Variants in DGKZ observed in about 807,000 individuals in gnomAD.
DGKZ encodes diacylglycerol kinase zeta.
A neutral mutation model predicts 142.5 loss-of-function variants in DGKZ; 45 were observed. The ratio of observed to expected loss-of-function variants is 0.32; its 90% CI spans 0.25 to 0.40. The LOEUF (loss-of-function observed/expected upper bound fraction) is 0.40, where lower values mean the gene tolerates loss of function less well. Ranked by LOEUF, DGKZ falls within the 10% of genes least tolerant of loss-of-function variation. DGKZ has a pLI of 1.00. For missense variants in DGKZ, 755 were observed against 1,306.5 expected, an observed-to-expected ratio of 0.58 and a Z score of 6.51; for synonymous variants, 442 against 527.0, an observed-to-expected ratio of 0.84 and a Z score of 2.21.
intron 1 of DGKZ, among the ~76,000 whole-genome samples, chr11:46,334,343 G>A (rs1939907424): frequency 6.6e-6 from 1 of 152,192 alleles, no homozygotes; most frequent in South Asian, 2.1e-4. Context: ...ACCTCCCCTG[G>A]AGAGTCTAGC....
chr11:46,336,549 G>A (rs1355029655), intron 1 of DGKZ, among the ~76,000 whole-genome samples: 1 of 152,132 alleles, frequency 6.6e-6, no homozygotes, highest in East Asian at 1.9e-4. Context: ...GTGACACAGT[G>A]AGACCCTGTC....
At chr11:46,368,173 G>A (rs1565052536) in intron 4 of DGKZ, 94 bp downstream of exon 4, 13 of 1,345,354 alleles carry the variant, frequency 9.7e-6, no homozygotes, top group Non-Finnish European at 1.2e-5. Flanking sequence ...CAAACGGCCT[G>A]CCAGGAGTGA....
chr11:46,375,360 GA>G, intron 19 of DGKZ, 71 bp from the exon 20 acceptor site: 1 of 1,464,918 alleles, frequency 6.8e-7, no homozygotes, highest in Non-Finnish European at 9.2e-7. Context: ...TTCTGCTTCG[GA>G]AGGAGCAGAG....
At chr11:46,376,256 C>T (rs1024891222) in intron 22 of DGKZ, 72 bp from the exon 23 acceptor site, 10 of 1,607,198 alleles carry the variant, frequency 6.2e-6, no homozygotes, top group Non-Finnish European at 8.5e-6. Flanking sequence ...TGTGCTGGTT[C>T]CCCCTACTCC....
chr11:46,371,841 GA>G, intron 9 of DGKZ, 66 bp downstream of exon 9: 1 of 1,546,500 alleles, frequency 6.5e-7, no homozygotes. Context: ...TCAGGGTACA[GA>G]ACTTCCACCC....
Position 46,367,526 on chromosome 11 carries a change from G to A in DGKZ, c.271-126G>A, listed in dbSNP as rs1943449956. 3.8e-6 allele frequency: 5 copies of A among 1,300,848 alleles called. No homozygotes were observed. The highest frequency in any genetic ancestry group is 4.2e-6 in the Non-Finnish European group (4 of 947,296). 80.6% of individuals were successfully genotyped at this position (1,300,848 alleles called of 1,614,324 possible). On this transcript the variant is annotated intron_variant, in intron 2 of 30. Transcript: ENST00000527911. The surrounding 1 kb of genome is among the most constrained non-coding windows in gnomAD (Gnocchi z 4.1). ...GAAGGGTTGGGACAGTGGGGCAGACGGAACAGAGCAGGGTCGATCGGGGCG... is the reference window on the plus strand; with the variant it reads ...GAAGGGTTGGGACAGTGGGGCAGACAGAACAGAGCAGGGTCGATCGGGGCG...
chr11:46,358,816 A>G (rs1942315232), intron 1 of DGKZ, among the ~76,000 whole-genome samples: 1 of 152,210 alleles, frequency 6.6e-6, no homozygotes, highest in Non-Finnish European at 1.5e-5. Context: ...TGATGAGATC[A>G]GTAGTGAAGT....
At chr11:46,355,887 C>T (rs1430860815) in intron 1 of DGKZ, among the ~76,000 whole-genome samples, 1 of 152,206 alleles carries the variant, frequency 6.6e-6, no homozygotes, top group African/African-American at 2.4e-5. Context: ...GCTGGGATTA[C>T]AGGCATGGGC....
chr11:46,379,802 C>T (rs1351175016), intron 30 of DGKZ, 29 bp from the exon 31 acceptor site: 3 of 1,587,328 alleles, frequency 1.9e-6, no homozygotes, highest in Non-Finnish European at 2.6e-6. Context: ...CCTCTGGCCC[C>T]TGCTGATCGC....
At chr11:46,342,163 T>C (rs949327779) in intron 1 of DGKZ, among the ~76,000 whole-genome samples, 1 of 152,090 alleles carries the variant, frequency 6.6e-6, no homozygotes, top group African/African-American at 2.4e-5. Flanking sequence ...TGTACCTGGG[T>C]GGATTCTGAG....
Position 46,372,116 on chromosome 11 carries a change from C to G in DGKZ, c.873C>G (p.Ser291=). The change falls in exon 10 of 31, where the codon TCC becomes TCG. Residue 291 remains serine, a synonymous_variant. Coordinates refer to ENST00000527911, the Ensembl canonical transcript of DGKZ. This position sits in a 1 kb window ranked among gnomAD's most constrained non-coding sequence, Gnocchi z 5.9. ...CCTTCATCATCAGGCCCACCCCCTC[C>G]CCGCTCATGAAGCCCCTGCTGGTGT... 1 of 1,612,150 alleles carries G rather than the reference C, an allele frequency of 6.2e-7. No individual in the cohort carries two copies. Among genetic ancestry groups the G allele is most frequent in the Non-Finnish European group, 8.5e-7 (1 of 1,179,424 alleles).
upstream of DGKZ, among the ~76,000 whole-genome samples, chr11:46,343,955 C>CTT (rs36078017): frequency 3.7e-4 from 54 of 144,904 alleles, 1 homozygote; most frequent in African/African-American, 1.3e-3. Flanking sequence ...TATAGCACAT[C>CTT]TTTTTTTTTT....
At chr11:46,374,115 G>A (rs2136495076) in intron 14 of DGKZ, 42 bp from the exon 15 acceptor site, 1 of 1,602,986 alleles carries the variant, frequency 6.2e-7, no homozygotes, top group East Asian at 2.2e-5. Flanking sequence ...GGGGACATTT[G>A]TGAGGCCCAG....
intron 1 of DGKZ, among the ~76,000 whole-genome samples, chr11:46,350,426 C>G (rs1941221467): frequency 6.6e-6 from 1 of 152,210 alleles, no homozygotes; most frequent in African/African-American, 2.4e-5. Flanking sequence ...TTCATCTTAT[C>G]CCAGCTCCAT....
upstream of DGKZ, chr11:46,345,416 G>C (rs758947561): frequency 7.0e-7 from 1 of 1,437,500 alleles, no homozygotes; most frequent in Non-Finnish European, 9.1e-7. The surrounding 1 kb of genome is among the most constrained non-coding windows in gnomAD (Gnocchi z 4.1). Flanking sequence ...CAGGATGAGC[G>C]CACCGGGGGC....
chr11:46,373,015 G>A (rs1401124261), exon 14 of DGKZ: 6 of 1,539,864 alleles, frequency 3.9e-6, no homozygotes, highest in African/African-American at 1.4e-5. Context: ...GGAGGGGAAC[G>A]TGGTACAGCT....
intron 6 of DGKZ, among the ~76,000 whole-genome samples, chr11:46,370,622 C>T (rs565933786): frequency 6.6e-6 from 1 of 152,204 alleles, no homozygotes; most frequent in East Asian, 1.9e-4. Context: ...CTGGTCAGGC[C>T]TCGGGGGTAG....
Position 46,374,448 on chromosome 11 carries a change from C to T in DGKZ, c.1455C>T (p.Tyr485=), listed in dbSNP as rs33968054. The change falls in exon 16 of 31, where the codon TAC becomes TAT. Residue 485 remains tyrosine (Y), a synonymous_variant. Coordinates refer to ENST00000527911, the Ensembl canonical transcript of DGKZ. ...GCCGCTTTCGGAATAAGATGTTCTA[C>T]GCCGGGGTGAGTGGGGTCTGCACCC... The T allele has an allele frequency of 6.5e-3, 10,422 of 1,614,002 alleles. 230 individuals carry two copies. In the African/African-American group the frequency reaches 0.073, roughly 11 times the overall value.
intron 24 of DGKZ, 147 bp from the exon 25 acceptor site, chr11:46,376,926 G>A: frequency 2.8e-6 from 2 of 712,454 alleles, no homozygotes; most frequent in African/African-American, 1.8e-5. Context: ...GGAAGGAGTG[G>A]GAGAGGGACA....
Sources: gnomAD v4.1 joint callset for allele counts (sites outside exome capture counted in the v4.1 genomes callset) on GRCh38, gnomAD v4.1.1 for gene constraint, Gnocchi (gnomAD v3.1) non-coding constraint, MANE v1.5 for transcripts, NCBI Gene and HGNC (gene_info 2026-07-23, HGNC 2026-07-21) for gene names.